Variants in ABI3BP observed in about 807,000 individuals in gnomAD.
ABI3BP encodes ABI family member 3 binding protein.
Under a neutral mutation model 268.6 loss-of-function variants are expected in ABI3BP, and 216 were observed. The observed-to-expected ratio is 0.80, with a 90% CI of 0.72 to 0.90. The LOEUF (loss-of-function observed/expected upper bound fraction) is 0.90, where lower values mean the gene tolerates loss of function less well. Among genes scored for constraint, ABI3BP ranks in the 40% least tolerant of loss-of-function variants. The probability of loss-of-function intolerance (pLI) is 0.00; values close to 1 mark genes in which losing one functional copy is unlikely to be tolerated. For synonymous variants in ABI3BP, 730 were observed against 730.0 expected (o/e 1.00, Z 0.00); for missense variants, 2,090 against 2,182.4 (o/e 0.96, Z 0.84).
chr3:100,770,402 A>C (rs770291039), intron 62 of ABI3BP, among the ~76,000 whole-genome samples: 41 of 152,216 alleles, frequency 2.7e-4, no homozygotes, highest in Non-Finnish European at 5.6e-4. Flanking sequence ...GGGGTTGGTG[A>C]AAGGAAAATT....
chr3:100,968,772 G>T (rs897397575), intron 1 of ABI3BP, among the ~76,000 whole-genome samples: 7 of 152,042 alleles, frequency 4.6e-5, no homozygotes, highest in Non-Finnish European at 7.4e-5. Flanking sequence ...CACGTGCTAT[G>T]GTGGTTTGCT....
At chr3:100,864,282 A>G in intron 11 of ABI3BP, 1 of 558,668 alleles carries the variant, frequency 1.8e-6, no homozygotes, top group Non-Finnish European at 3.2e-6. Flanking sequence ...GTGGCTGAGA[A>G]GATCAACATC....
chr3:100,786,308 C>T (rs1210967040), intron 57 of ABI3BP, among the ~76,000 whole-genome samples: 1 of 152,102 alleles, frequency 6.6e-6, no homozygotes, highest in African/African-American at 2.4e-5. Context: ...AATTGAAAAG[C>T]CCTGCTATAT....
At chr3:100,818,695 C>T in intron 40 of ABI3BP, 114 bp from the exon 41 acceptor site, 1 of 899,682 alleles carries the variant, frequency 1.1e-6, no homozygotes, top group Non-Finnish European at 1.7e-6. Context: ...AAACTTGATA[C>T]TTGTTATTTG....
rs780030955 is a variant in ABI3BP at position 100,926,373 on chromosome 3, T to C, written c.188A>G (p.Tyr63Cys). The C allele has an allele frequency of 1.2e-5, 20 of 1,613,460 alleles. 1 individual carries two copies. The South Asian group carries it at 2.0e-4, about 16-fold the overall frequency. ...CTGGTTTGGTGATACATTGCTGCCA[T>C]ATCCCAGGAGAAGACCTTCAAGCTT... ...NVKLEGLLLG[Y>C]GSNVSPNQYF... Residue 63 changes from tyrosine to cysteine, a missense_variant, in exon 2 of 68, where the codon TAT becomes TGT. Coordinates refer to ENST00000471714, the MANE Select transcript of ABI3BP (RefSeq NM_001375547.2).
intron 63 of ABI3BP, among the ~76,000 whole-genome samples, chr3:100,756,959 C>A (rs1364206536): frequency 6.6e-6 from 1 of 150,914 alleles, no homozygotes; most frequent in East Asian, 2.0e-4. Flanking sequence ...CATTTTGTCA[C>A]AGATGAATGA....
chr3:100,902,567 T>C (rs1355988152), intron 3 of ABI3BP, 51 bp downstream of exon 3: 2 of 1,564,004 alleles, frequency 1.3e-6, no homozygotes, highest in Non-Finnish European at 1.8e-6. Flanking sequence ...AGATGAAAAG[T>C]CATGGTTCAA....
At chr3:100,863,104 G>A (rs2099015240) in intron 12 of ABI3BP, 195 bp from the exon 13 acceptor site, 2 of 550,088 alleles carry the variant, frequency 3.6e-6, no homozygotes, top group Admixed American at 3.3e-5. Context: ...TTATAGTTAA[G>A]TGACTAAATT....
chr3:100,984,664 C>A (rs1004741712), intron 1 of ABI3BP, among the ~76,000 whole-genome samples: 14 of 152,108 alleles, frequency 9.2e-5, no homozygotes, highest in African/African-American at 3.1e-4. Context: ...CACACTATAA[C>A]AATCTTGCTG....
intron 26 of ABI3BP, 104 bp from the exon 27 acceptor site, chr3:100,837,275 T>A (rs2098608491): frequency 1.2e-6 from 1 of 830,180 alleles, no homozygotes; most frequent in African/African-American, 1.8e-5. Flanking sequence ...TCTAGTTTAT[T>A]CTAAATTAAT....
chr3:100,910,479 T>C (rs951093649), intron 2 of ABI3BP, among the ~76,000 whole-genome samples: 2 of 152,122 alleles, frequency 1.3e-5, no homozygotes, highest in Admixed American at 1.3e-4. Context: ...TAAATTTTCA[T>C]ACAAATTTCT....
At chr3:100,894,967 A>AAAAAAAAC (rs2046927349) in intron 4 of ABI3BP, among the ~76,000 whole-genome samples, 1 of 120,828 alleles carries the variant, frequency 8.3e-6, no homozygotes, top group Non-Finnish European at 1.7e-5. Flanking sequence ...AAAAAAAAAA[A>AAAAAAAAC]CAGAAAAAAA....
At chr3:100,954,973 GTCTT>G (rs2076308031) in intron 1 of ABI3BP, among the ~76,000 whole-genome samples, 1 of 105,336 alleles carries the variant, frequency 9.5e-6, no homozygotes, top group Non-Finnish European at 1.9e-5. Context: ...TTTAAATTTT[GTCTT>G]TTTTTTTTTT....
chr3:100,886,292 T>C lies in ABI3BP; in HGVS notation c.493A>G (p.Lys165Glu). Residue 165 changes from lysine to glutamate, a missense_variant, in exon 5 of 68, where the codon AAA (lysine) becomes GAA (glutamate). Physicochemically the swap from Lys to Glu is moderately conservative, Grantham distance 56. Coordinates refer to ENST00000471714, the MANE Select transcript of ABI3BP (RefSeq NM_001375547.2). ...FYTIRYREKD[K>E]EKKWIFQICP... Reference sequence around the variant, plus strand: ...ATTTGAAAAATCCACTTCTTTTCTTTATCCTTTTCTCGATAGCGAATTGTA... The same window carrying C: ...ATTTGAAAAATCCACTTCTTTTCTTCATCCTTTTCTCGATAGCGAATTGTA... 6.2e-7 allele frequency: 1 copy of C among 1,605,684 alleles called. No individual in the cohort carries two copies. The highest frequency in any genetic ancestry group is 8.5e-7 in the Non-Finnish European group (1 of 1,175,790).
rs752912502 is a variant in ABI3BP, at chr3:100,926,360, T to C, written c.201A>G (p.Val67=). 5.6e-6 allele frequency: 9 copies of C among 1,613,584 alleles called. No homozygotes were observed. The highest frequency in any genetic ancestry group is 1.7e-4 in the Middle Eastern group (1 of 6,058). ...GAAGAGGGAAGTACTGGTTTGGTGA[T>C]ACATTGCTGCCATATCCCAGGAGAA... is the stretch of plus-strand genomic sequence containing the variant. ...EGLLLGYGSN[V]SPNQYFPLPA... Residue 67 remains valine, a synonymous_variant, in exon 2 of 68, where the codon GTA becomes GTG. Coordinates refer to ENST00000471714, the MANE Select transcript of ABI3BP (RefSeq NM_001375547.2).
chr3:100,927,609 A>C (rs1003637066), intron 1 of ABI3BP, among the ~76,000 whole-genome samples: 3 of 152,162 alleles, frequency 2.0e-5, no homozygotes, highest in South Asian at 2.1e-4. Context: ...CAAGTCTTAC[A>C]TGGCCAGAGT....
At chr3:100,977,008 G>A (rs2086571705) in intron 1 of ABI3BP, among the ~76,000 whole-genome samples, 1 of 152,134 alleles carries the variant, frequency 6.6e-6, no homozygotes, top group African/African-American at 2.4e-5. Context: ...TTTTTAAAGG[G>A]ATAATTATTC....
intron 14 of ABI3BP, among the ~76,000 whole-genome samples, chr3:100,855,164 G>T (rs2098926424): frequency 6.6e-6 from 1 of 152,134 alleles, no homozygotes; most frequent in African/African-American, 2.4e-5. Flanking sequence ...CTGACCTTGT[G>T]ATCCGCCCAC....
rs1315752066 is a variant in ABI3BP at position 100,830,106 on chromosome 3, CATACATATATATATATATATAT to C, written c.2458+450_2459-443del. ...CTATATACATATACATACATACATA[CATACATATATATATATATATAT>C]ATATATATATATATATATATATATA... On this transcript the variant is annotated intron_variant, in intron 32 of 67. Transcript: ENST00000471714. Among the ~76,000 whole-genome samples the C allele has an allele frequency of 7.3e-3, 565 of 77,020 alleles. 21 individuals are homozygous for C. Among genetic ancestry groups the C allele is most frequent in the African/African-American group, 0.037 (535 of 14,476 alleles). 50.5% of individuals were successfully genotyped at this position (77,020 alleles called of 152,430 possible).
Sources: gnomAD v4.1 joint callset for allele counts (sites outside exome capture counted in the v4.1 genomes callset) on GRCh38, gnomAD v4.1.1 for gene constraint, MANE v1.5 for transcripts, NCBI Gene and HGNC (gene_info 2026-07-23, HGNC 2026-07-21) for gene names.